Variants in STKLD1 observed in about 807,000 individuals in gnomAD.
STKLD1 encodes serine/threonine kinase-like domain-containing protein STKLD1.
Under a neutral mutation model 80.4 loss-of-function variants are expected in STKLD1, and 79 were observed. That is an observed-to-expected ratio of 0.98 (90% CI 0.82 to 1.19). The LOEUF is 1.19. STKLD1 is among the 50% of genes most tolerant of loss of function. The pLI, the probability that STKLD1 is intolerant of heterozygous loss-of-function variation, is 0.00. For missense variants in STKLD1, 841 were observed against 856.0 expected (o/e 0.98, Z 0.22); for synonymous variants, 393 against 357.6 (o/e 1.10, Z -1.12).
chr9:133,383,314 GGT>G (rs1838188701), intron 2 of STKLD1, among the ~76,000 whole-genome samples: 10 of 302 alleles, frequency 0.033, no homozygotes, highest in Admixed American at 0.091. Context: ...TAATGGTGGT[GGT>G]GTGATGATGG....
chr9:133,387,121 G>A (rs1838281797), intron 4 of STKLD1, among the ~76,000 whole-genome samples: 2 of 152,200 alleles, frequency 1.3e-5, no homozygotes, highest in South Asian at 2.1e-4. Flanking sequence ...CCTAAAGGGT[G>A]CATAGTTATC....
intron 1 of STKLD1, among the ~76,000 whole-genome samples, chr9:133,378,203 T>C (rs1838047858): frequency 6.6e-6 from 1 of 152,226 alleles, no homozygotes; most frequent in African/African-American, 2.4e-5. Flanking sequence ...TCCAGTGTCA[T>C]GAGCAGGCTG....
At position 133,389,511 on chromosome 9, in the gene STKLD1, C is replaced by T. The variant is rs2130284179; in HGVS notation, c.397-15C>T. 2 of 1,612,736 alleles carry T rather than the reference C, an allele frequency of 1.2e-6. No homozygotes were observed. Among genetic ancestry groups the T allele is most frequent in the East Asian group, 2.2e-5 (1 of 44,880 alleles). ...GGTGCCCCTCCCATCCTGGCACCCC[C>T]TACTTCTCCCCCAGTGGATGCAGAA... On this transcript the variant is annotated splice_polypyrimidine_tract_variant and intron_variant, in intron 5 of 17. Transcript: ENST00000371957. The surrounding 1 kb of genome is among the most constrained non-coding windows in gnomAD (Gnocchi z 6.4).
intron 9 of STKLD1, among the ~76,000 whole-genome samples, chr9:133,396,781 A>G (rs77548452): frequency 8.6e-4 from 131 of 152,206 alleles, no homozygotes; most frequent in African/African-American, 3.1e-3. Context: ...ACAAAACAAA[A>G]CAAAAAACCC....
chr9:133,404,641 C>T (rs587597471), intron 16 of STKLD1, 148 bp from the exon 17 acceptor site: 49 of 1,105,034 alleles, frequency 4.4e-5, no homozygotes, highest in East Asian at 2.3e-4. Context: ...CCTACTGGTC[C>T]GCCCAAGCTG....
intron 7 of STKLD1, among the ~76,000 whole-genome samples, chr9:133,392,611 A>ATGGATGGG (rs1838429375): frequency 1.3e-5 from 1 of 76,612 alleles, no homozygotes; most frequent in Non-Finnish European, 2.5e-5. Flanking sequence ...GGGTGGATGG[A>ATGGATGGG]TGGATGGATG....
At chr9:133,393,605 A>G (rs867414572) in intron 7 of STKLD1, among the ~76,000 whole-genome samples, 9 of 127,976 alleles carry the variant, frequency 7.0e-5, no homozygotes, top group African/African-American at 1.2e-4. Flanking sequence ...GAGTGAGTGA[A>G]TGGGTGAGTG....
In STKLD1 at chr9:133,401,885, C is replaced by T. The variant is rs1028516530; in HGVS notation, c.1339+7C>T. On this transcript the variant is annotated splice_region_variant and intron_variant, in intron 13 of 17. Coordinates refer to ENST00000371957, the MANE Select transcript of STKLD1 (RefSeq NM_153710.5). ...GCCATCACCACAACCCAGGGTGTGT[C>T]TGCCAGCCACCTCCTGCCCCACCCA... The T allele has an allele frequency of 8.1e-6, 13 of 1,612,600 alleles. No homozygotes were observed. The Admixed American group carries it at 1.3e-4, about 17-fold the overall frequency.
chr9:133,401,619 G>A, intron 12 of STKLD1, 119 bp from the exon 13 acceptor site: 1 of 1,291,926 alleles, frequency 7.7e-7, no homozygotes, highest in East Asian at 2.5e-5. Context: ...GAACAAGGCA[G>A]ACCTCGGTTT....
chr9:133,390,573 A>G lies in STKLD1; in HGVS notation c.468-108A>G, dbSNP rs1440669378. On this transcript the variant is annotated intron_variant, in intron 6 of 17. Transcript: ENST00000371957. The surrounding 1 kb of genome is among the most constrained non-coding windows in gnomAD (Gnocchi z 5.1). ...TGCTGCAGAACCAGGTGGGGCAGGGAGCAGAGAGTCAGGCTCAGCACACAC... is the reference window on the plus strand; with the variant it reads ...TGCTGCAGAACCAGGTGGGGCAGGGGGCAGAGAGTCAGGCTCAGCACACAC... 2.7e-6 allele frequency: 2 copies of G among 752,328 alleles called. No individual in the cohort carries two copies. The highest frequency in any genetic ancestry group is 4.7e-6 in the Non-Finnish European group (2 of 428,708). The allele number at this position is 752,328 out of a possible 1,614,324, so 46.6% of individuals were successfully genotyped here. A position where few individuals can be genotyped will look rare whatever the true frequency, so the allele number is the denominator to read the frequency against.
chr9:133,383,107 G>C (rs1838179745), intron 2 of STKLD1, among the ~76,000 whole-genome samples: 1 of 149,288 alleles, frequency 6.7e-6, no homozygotes, highest in East Asian at 2.0e-4. Flanking sequence ...TAGTGGTGGT[G>C]GTGGTGATGG....
chr9:133,390,756 A>G lies in STKLD1; in HGVS notation c.543A>G (p.Leu181=). 4 of 1,613,862 alleles carry G rather than the reference A, an allele frequency of 2.5e-6. No homozygotes were observed. The highest frequency in any genetic ancestry group is 3.4e-6 in the Non-Finnish European group (4 of 1,179,950). ...TGCAGGACCTGAGTTCCAATGTGCT[A>G]ATGACAGACAAAGCCAAATGGAATA... ...CKLQDLSSNV[L]MTDKAKWNIR... Residue 181 remains leucine, a synonymous_variant, in exon 7 of 18, where the codon CTA becomes CTG. Transcript: ENST00000371957. The surrounding 1 kb of genome is among the most constrained non-coding windows in gnomAD (Gnocchi z 5.1).
rs1414443788 is a variant in STKLD1 at position 133,384,715 on chromosome 9, G to A, written c.219+815G>A. 6.6e-6 allele frequency: 1 copy of A among 151,660 alleles called. No homozygotes were observed. The highest frequency in any genetic ancestry group is 1.5e-5 in the Non-Finnish European group (1 of 67,962). 9.4% of individuals were successfully genotyped at this position (151,660 alleles called of 1,614,324 possible). A position where few individuals can be genotyped will look rare whatever the true frequency, so the allele number is the denominator to read the frequency against. On this transcript the variant is annotated intron_variant, in intron 3 of 17. Transcript: ENST00000371957. The surrounding 1 kb of genome is among the most constrained non-coding windows in gnomAD (Gnocchi z 4.3). ...GGCATGTACCACCACACCCATACCA[G>A]AACTGTTTAACAAAACAAATATAAA...
chr9:133,383,586 TTGA>T (rs1229924984), intron 2 of STKLD1, among the ~76,000 whole-genome samples: 49 of 7,860 alleles, frequency 6.2e-3, no homozygotes, highest in African/African-American at 0.019. Context: ...GATGATAGTG[TTGA>T]TGGTGGTGGT....
At position 133,403,745 on chromosome 9, in the gene STKLD1, T is replaced by A; in HGVS notation, c.1520T>A (p.Ile507Asn). 6.2e-7 allele frequency: 1 copy of A among 1,613,814 alleles called. No homozygotes were observed. The highest frequency in any genetic ancestry group is 8.5e-7 in the Non-Finnish European group (1 of 1,179,960). The change falls in exon 15 of 18, where the codon ATC becomes AAC. Residue 507 changes from isoleucine to asparagine, a missense_variant. Coordinates refer to ENST00000371957, the MANE Select transcript of STKLD1 (RefSeq NM_153710.5). ...CCCTTGGAGAAGGTCCCGGACCTCA[T>A]CAGCCAGGTGTTGGCCACCTACCCT... Reference protein sequence around the residue: ...KAPLEKVPDLISQVLATYPAD... With the variant: ...KAPLEKVPDLNSQVLATYPAD...
chr9:133,387,705 G>C, intron 5 of STKLD1, 157 bp downstream of exon 5: 2 of 708,244 alleles, frequency 2.8e-6, no homozygotes, highest in South Asian at 3.0e-5. Context: ...TCTAGGTAAT[G>C]TGTGCAGATC....
chr9:133,385,635 C>T lies in STKLD1; in HGVS notation c.238C>T (p.Leu80=). 1.9e-6 allele frequency: 3 copies of T among 1,613,376 alleles called. No individual in the cohort carries two copies. The highest frequency in any genetic ancestry group is 2.5e-6 in the Non-Finnish European group (3 of 1,179,984). The change falls in exon 4 of 18, where the codon CTG becomes TTG. Residue 80 remains leucine, a synonymous_variant. Coordinates refer to ENST00000371957, the MANE Select transcript of STKLD1 (RefSeq NM_153710.5). This position sits in a 1 kb window ranked among gnomAD's most constrained non-coding sequence, Gnocchi z 4.9. ...ALEELMPLLK[L]RHAHISVYQE... is the part of the protein sequence containing the mutation. ...CTGGCAGCTGATGCCACTGCTGAAG[C>T]TGCGGCACGCCCACATCTCTGTGTA...
chr9:133,387,912 C>T (rs1479361464), intron 5 of STKLD1: 2 of 469,820 alleles, frequency 4.3e-6, no homozygotes, highest in Non-Finnish European at 8.5e-6. Context: ...GTTGTGAGCC[C>T]CGCGGTGCTG....
chr9:133,404,007 A>G lies in STKLD1; in HGVS notation c.1691A>G (p.Asn564Ser), dbSNP rs1356599457. The G allele has an allele frequency of 6.2e-7, 1 of 1,611,602 alleles. No homozygotes were observed. The highest frequency in any genetic ancestry group is 8.5e-7 in the Non-Finnish European group (1 of 1,179,250). ...TGCCAGGACAGAGCCCTGCTGGTGA[A>G]CAATGCCTACCGGGGACTGGCCAGC... is the stretch of plus-strand genomic sequence containing the variant. ...RLCQDRALLV[N>S]NAYRGLASLV... The change falls in exon 16 of 18, where the codon AAC becomes AGC. Residue 564 changes from asparagine (N) to serine (S), a missense_variant. Physicochemically the swap from Asn to Ser is conservative, Grantham distance 46. Transcript: ENST00000371957.
Sources: allele counts gnomAD v4.1 joint callset (sites outside exome capture counted in the v4.1 genomes callset), GRCh38; gene constraint gnomAD v4.1.1; non-coding constraint Gnocchi (gnomAD v3.1); transcripts MANE v1.5; gene names NCBI Gene and HGNC (gene_info 2026-07-23, HGNC 2026-07-21).